CEP85L: variants seen among roughly 807,000 people sequenced by gnomAD.
The protein encoded by CEP85L is centrosomal protein of 85 kDa-like.
A neutral mutation model predicts 100.3 loss-of-function variants in CEP85L; 60 were observed. That is an observed-to-expected ratio of 0.60 (90% CI 0.49 to 0.74). The LOEUF is 0.74. Among genes scored for constraint, CEP85L ranks in the 30% least tolerant of loss-of-function variants. The probability of loss-of-function intolerance (pLI) is 0.00; values close to 1 mark genes in which losing one functional copy is unlikely to be tolerated. For synonymous variants in CEP85L, 319 were observed against 322.7 expected (o/e 0.99, Z 0.12); for missense variants, 973 against 936.2 (o/e 1.04, Z -0.51).
rs1772227161 is a variant in CEP85L, at chr6:118,461,450, C to T, written c.*3955G>A. ...TTAATCAAGTTTATATACAGAAGAA[C>T]AAGGTGCAATAATCATCAACATTCT... On this transcript the variant is annotated 3_prime_UTR_variant, in exon 13 of 13. Transcript: ENST00000368491. 1 of 151,566 alleles carries T rather than the reference C, an allele frequency of 6.6e-6. No individual in the cohort carries two copies. Among genetic ancestry groups the T allele is most frequent in the Non-Finnish European group, 1.5e-5 (1 of 67,868 alleles). The allele number at this position is 151,566 out of a possible 1,614,324, so 9.4% of individuals were successfully genotyped here.
chr6:118,590,263 G>C (rs918163034), intron 2 of CEP85L, among the ~76,000 whole-genome samples: 5 of 152,146 alleles, frequency 3.3e-5, no homozygotes, highest in Non-Finnish European at 7.3e-5. Flanking sequence ...GATAGGACAA[G>C]GGGTCCTTGG....
chr6:118,567,288 T>C (rs1288129084), intron 2 of CEP85L, among the ~76,000 whole-genome samples: 1 of 125,152 alleles, frequency 8.0e-6, no homozygotes, highest in African/African-American at 3.1e-5. Context: ...TATATATATA[T>C]CCATATTCAC....
intron 3 of CEP85L, among the ~76,000 whole-genome samples, chr6:118,530,746 C>A (rs191539745): frequency 6.6e-6 from 1 of 151,838 alleles, no homozygotes; most frequent in East Asian, 1.9e-4. Context: ...AACACAGTCC[C>A]ATTGACAATA....
intron 3 of CEP85L, among the ~76,000 whole-genome samples, chr6:118,534,514 G>A (rs200408177): frequency 3.9e-5 from 6 of 152,020 alleles, no homozygotes; most frequent in African/African-American, 7.2e-5. Context: ...TTAGCTGGGC[G>A]TGGTGGCACA....
intron 2 of CEP85L, among the ~76,000 whole-genome samples, chr6:118,619,712 G>A (rs1265406737): frequency 6.6e-6 from 1 of 152,180 alleles, no homozygotes; most frequent in Non-Finnish European, 1.5e-5. Context: ...GCAGATACAG[G>A]GAAATTCTCG....
intron 1 of CEP85L, among the ~76,000 whole-genome samples, chr6:118,677,669 A>T (rs1012493658): frequency 6.6e-6 from 1 of 152,186 alleles, no homozygotes; most frequent in African/African-American, 2.4e-5. Flanking sequence ...TGAACTTATC[A>T]TATTCATTAA....
intron 9 of CEP85L, 47 bp downstream of exon 9, chr6:118,480,349 T>C: frequency 1.0e-6 from 1 of 1,002,626 alleles, no homozygotes; most frequent in Non-Finnish European, 1.6e-6. Context: ...TACACACATA[T>C]CCACATAGCA....
At chr6:118,686,704 A>G (rs988024082) in intron 1 of CEP85L, among the ~76,000 whole-genome samples, 3 of 152,168 alleles carry the variant, frequency 2.0e-5, no homozygotes, top group Admixed American at 1.3e-4. Context: ...TTGTGTGGAC[A>G]CCTACGTGCA....
intron 1 of CEP85L, among the ~76,000 whole-genome samples, chr6:118,665,145 C>T (rs1025438567): frequency 1.3e-5 from 2 of 151,910 alleles, no homozygotes; most frequent in Admixed American, 1.3e-4. Context: ...AGAGGAGGGA[C>T]GGTAGGTAAG....
chr6:118,542,223 C>T (rs914186077), intron 3 of CEP85L, among the ~76,000 whole-genome samples: 1 of 152,040 alleles, frequency 6.6e-6, no homozygotes, highest in African/African-American at 2.4e-5. Flanking sequence ...TTTTAATAAA[C>T]AGCACACAAA....
chr6:118,589,177 G>C (rs937648119), intron 2 of CEP85L: 1 of 249,096 alleles, frequency 4.0e-6, no homozygotes, highest in Non-Finnish European at 8.8e-6. Context: ...CTAATAAAGA[G>C]TGGGGAAAGC....
chr6:118,605,396 G>T (rs1365496754), intron 2 of CEP85L, among the ~76,000 whole-genome samples: 1 of 152,150 alleles, frequency 6.6e-6, no homozygotes, highest in Non-Finnish European at 1.5e-5. Context: ...TCCGATCCAA[G>T]TGTGCAAAGA....
chr6:118,705,698 A>G (rs957018729), intron 1 of CEP85L, among the ~76,000 whole-genome samples: 8 of 152,270 alleles, frequency 5.3e-5, no homozygotes, highest in African/African-American at 1.7e-4. Flanking sequence ...CACTTGTGCC[A>G]AAGGCATAAT....
chr6:118,680,527 A>G (rs916085364), intron 1 of CEP85L, among the ~76,000 whole-genome samples: 3 of 152,122 alleles, frequency 2.0e-5, no homozygotes, highest in Non-Finnish European at 4.4e-5. Context: ...TAAGCAGGAA[A>G]GCAATTTATT....
intron 3 of CEP85L, among the ~76,000 whole-genome samples, chr6:118,550,729 A>G (rs1315196147): frequency 1.3e-5 from 2 of 152,040 alleles, no homozygotes; most frequent in South Asian, 4.1e-4. Flanking sequence ...GACACTGACA[A>G]ACAAAATTTG....
At chr6:118,493,622 T>C (rs1206276628) in intron 5 of CEP85L, among the ~76,000 whole-genome samples, 1 of 152,094 alleles carries the variant, frequency 6.6e-6, no homozygotes, top group African/African-American at 2.4e-5. Context: ...GGTGAAAGGA[T>C]TTAGAGAAAA....
At chr6:118,523,015 G>A (rs568357284) in intron 4 of CEP85L, among the ~76,000 whole-genome samples, 3 of 152,044 alleles carry the variant, frequency 2.0e-5, no homozygotes, top group African/African-American at 7.2e-5. Context: ...TATTAAATGC[G>A]TTTAAAGGTT....
At chr6:118,688,287 C>T (rs1776906999) in intron 1 of CEP85L, among the ~76,000 whole-genome samples, 1 of 152,192 alleles carries the variant, frequency 6.6e-6, no homozygotes, top group African/African-American at 2.4e-5. Flanking sequence ...AAACATGAGC[C>T]ACAGTGTCCA....
At chr6:118,573,004 G>A (rs1468560790) in intron 2 of CEP85L, among the ~76,000 whole-genome samples, 1 of 152,220 alleles carries the variant, frequency 6.6e-6, no homozygotes, top group African/African-American at 2.4e-5. Context: ...AGAGGTTGCA[G>A]TGAGCTAAGA....
Sources: gnomAD v4.1 joint callset for allele counts (sites outside exome capture counted in the v4.1 genomes callset) on GRCh38, gnomAD v4.1.1 for gene constraint, MANE v1.5 for transcripts, NCBI Gene and HGNC (gene_info 2026-07-23, HGNC 2026-07-21) for gene names.